Variants in WASF3 observed in about 807,000 individuals in gnomAD.
The protein encoded by WASF3 is WASP family member 3.
A neutral mutation model predicts 46.6 loss-of-function variants in WASF3; 11 were observed. The ratio of observed to expected loss-of-function variants is 0.24; its 90% CI spans 0.15 to 0.39. The LOEUF is 0.39. WASF3 is among the 10% of genes least tolerant of loss of function. The pLI, the probability that WASF3 is intolerant of heterozygous loss-of-function variation, is 1.00. For synonymous variants in WASF3, 242 were observed against 259.7 expected (o/e 0.93, Z 0.65); for missense variants, 576 against 669.8 (o/e 0.86, Z 1.55).
At chr13:26,565,271 A>G (rs1879429086) in intron 1 of WASF3, among the ~76,000 whole-genome samples, 1 of 152,124 alleles carries the variant, frequency 6.6e-6, no homozygotes, top group African/African-American at 2.4e-5. Flanking sequence ...AAACTCTAGT[A>G]CAAGTTGAGG....
At chr13:26,601,824 T>C (rs1161588040) in intron 1 of WASF3, among the ~76,000 whole-genome samples, 1 of 152,226 alleles carries the variant, frequency 6.6e-6, no homozygotes, top group East Asian at 1.9e-4. Flanking sequence ...TGCTGCCACC[T>C]AACCTCAAAG....
chr13:26,559,473 C>A (rs1879209791), intron 1 of WASF3, among the ~76,000 whole-genome samples: 1 of 152,180 alleles, frequency 6.6e-6, no homozygotes, highest in Non-Finnish European at 1.5e-5. Context: ...ATTACGAAAA[C>A]AAAGGTGGAA....
At position 26,670,675 on chromosome 13, in the gene WASF3, G is replaced by A. The variant is rs138012459; in HGVS notation, c.423-1197G>A. On this transcript the variant is annotated intron_variant, in intron 5 of 9. Coordinates refer to ENST00000335327, the MANE Select transcript of WASF3 (RefSeq NM_006646.6). ...CTATTCAAGGCCTTGGTATCTTAGG[G>A]AAACAAATTATCTTTTTCACAATAA... Among the ~76,000 whole-genome samples, 364 of 152,200 alleles carry A rather than the reference G, an allele frequency of 2.4e-3. 1 individual carries two copies. The highest frequency in any genetic ancestry group is 0.014 in the Middle Eastern group (4 of 294).
chr13:26,597,832 A>G (rs901180112), intron 1 of WASF3, among the ~76,000 whole-genome samples: 1 of 152,168 alleles, frequency 6.6e-6, no homozygotes, highest in East Asian at 1.9e-4. Flanking sequence ...TCCATGGTGT[A>G]TATGTGCCAC....
At chr13:26,551,586 A>C in the WASF3 span, among the ~76,000 whole-genome samples, 11 of 152,302 alleles carry the variant, frequency 7.2e-5, no homozygotes, top group South Asian at 2.3e-3. Flanking sequence ...CGTGGCAATA[A>C]AGCCATGTGA....
At chr13:26,627,916 A>G (rs1184327820) in intron 2 of WASF3, among the ~76,000 whole-genome samples, 3 of 151,518 alleles carry the variant, frequency 2.0e-5, no homozygotes, top group Non-Finnish European at 2.9e-5. Flanking sequence ...TAAAAATAAA[A>G]TAAAATAAAA....
At chr13:26,656,102 C>CA (rs1289282529) in intron 3 of WASF3, among the ~76,000 whole-genome samples, 15 of 151,962 alleles carry the variant, frequency 9.9e-5, no homozygotes, top group African/African-American at 3.6e-4. Flanking sequence ...AGAAAGGACT[C>CA]ATACAAGATA....
chr13:26,609,093 A>C (rs1217039485), intron 1 of WASF3, among the ~76,000 whole-genome samples: 1 of 152,206 alleles, frequency 6.6e-6, no homozygotes, highest in Non-Finnish European at 1.5e-5. Context: ...ATCCAAATAC[A>C]ATCAGATTAG....
At chr13:26,665,233 A>G (rs914519534) in intron 4 of WASF3, 71 bp downstream of exon 4, 2 of 1,547,708 alleles carry the variant, frequency 1.3e-6, no homozygotes, top group South Asian at 2.3e-5. Context: ...TTGCAGTGTA[A>G]TTACTGCTTT....
At chr13:26,542,336 C>T in the WASF3 span, among the ~76,000 whole-genome samples, 4 of 152,280 alleles carry the variant, frequency 2.6e-5, no homozygotes, top group East Asian at 3.9e-4. Flanking sequence ...ATGTCTGTTA[C>T]AGCATCTAAA....
Position 26,557,722 on chromosome 13 carries a change from G to A in WASF3, c.-206G>A, listed in dbSNP as rs1407907781. 1.0e-5 allele frequency: 2 copies of A among 190,856 alleles called. No homozygotes were observed. The highest frequency in any genetic ancestry group is 4.8e-5 in the African/African-American group (2 of 41,858). The allele number at this position is 190,856 out of a possible 1,614,324, so 11.8% of individuals were successfully genotyped here. On this transcript the variant is annotated 5_prime_UTR_variant, in exon 1 of 10. Coordinates refer to ENST00000335327, the MANE Select transcript of WASF3 (RefSeq NM_006646.6). ...GGCGGCGTCGCTCGCGCCGCTGCGT[G>A]CGGTGTGGTGCGAGGCGGGTGCGCC...
rs375158703 is a variant in WASF3 at position 26,671,901 on chromosome 13, A to G, written c.452A>G (p.Tyr151Cys). Residue 151 changes from tyrosine (Y) to cysteine (C), a missense_variant, in exon 6 of 10, where the codon TAT (tyrosine) becomes TGT (cysteine). Around this residue, in one of 3 missense-constraint regions of WASF3, gnomAD observed 213 missense variants for 278.0 expected, o/e 0.77. Transcript: ENST00000335327. Reference sequence around the variant, plus strand: ...GACAAGAAGGATGGGCTGAAGTTCTATACTGATCCTTCCTATTTCTTTGAC... The same window carrying G: ...GACAAGAAGGATGGGCTGAAGTTCTGTACTGATCCTTCCTATTTCTTTGAC... ...RDDKKDGLKF[Y>C]TDPSYFFDLW... 1 of 1,610,184 alleles carries G rather than the reference A, an allele frequency of 6.2e-7. No individual in the cohort carries two copies. Among genetic ancestry groups the G allele is most frequent in the African/African-American group, 1.3e-5 (1 of 74,686 alleles).
intron 1 of WASF3, among the ~76,000 whole-genome samples, chr13:26,579,505 G>T (rs1339755919): frequency 6.6e-6 from 1 of 152,122 alleles, no homozygotes; most frequent in Admixed American, 6.5e-5. Flanking sequence ...GAAAGTAGTG[G>T]CATTCTTTTA....
chr13:26,565,407 C>T (rs997374529), intron 1 of WASF3, among the ~76,000 whole-genome samples: 4 of 152,022 alleles, frequency 2.6e-5, no homozygotes, highest in African/African-American at 7.3e-5. Flanking sequence ...ACTTTACATG[C>T]CTTCAAAAGT....
At chr13:26,564,743 A>T in intron 1 of WASF3, among the ~76,000 whole-genome samples, 1 of 152,206 alleles carries the variant, frequency 6.6e-6, no homozygotes, top group African/African-American at 2.4e-5. Flanking sequence ...AAGTATTTTT[A>T]CATTGACTGA....
At chr13:26,598,370 T>C (rs556452258) in intron 1 of WASF3, among the ~76,000 whole-genome samples, 2 of 152,344 alleles carry the variant, frequency 1.3e-5, no homozygotes, top group South Asian at 4.1e-4. Flanking sequence ...TAGCCCTTTG[T>C]CAGATGAGTA....
At position 26,682,682 on chromosome 13, in the gene WASF3, C is replaced by G; in HGVS notation, c.1059C>G (p.Pro353=). 6.2e-7 allele frequency: 1 copy of G among 1,614,172 alleles called. No individual in the cohort carries two copies. The highest frequency in any genetic ancestry group is 1.1e-5 in the South Asian group (1 of 91,082). ...PPPPPPPPVI[P]SAQTAFVSPL... ...CTCCGCCACCTCCTCCTGTGATTCC[C>G]TCAGCACAAACTGCCTTCGTCAGCC... The change falls in exon 9 of 10, where the codon CCC becomes CCG. Residue 353 remains proline (P), a synonymous_variant. Transcript: ENST00000335327. This position sits in a 1 kb window ranked among gnomAD's most constrained non-coding sequence, Gnocchi z 4.4.
At chr13:26,566,946 G>A (rs1185821156) in intron 1 of WASF3, among the ~76,000 whole-genome samples, 1 of 152,204 alleles carries the variant, frequency 6.6e-6, no homozygotes, top group African/African-American at 2.4e-5. Context: ...CATGCATAAA[G>A]AAGATACCAG....
At chr13:26,579,404 C>G (rs990062831) in intron 1 of WASF3, among the ~76,000 whole-genome samples, 1 of 152,078 alleles carries the variant, frequency 6.6e-6, no homozygotes, top group Non-Finnish European at 1.5e-5. Context: ...CACATACATT[C>G]AAATATTTTA....
Sources: gnomAD v4.1 joint callset for allele counts (sites outside exome capture counted in the v4.1 genomes callset) on GRCh38, gnomAD v4.1.1 for gene constraint, gnomAD v4.1.1 regional missense constraint, Gnocchi (gnomAD v3.1) non-coding constraint, MANE v1.5 for transcripts, NCBI Gene and HGNC (gene_info 2026-07-23, HGNC 2026-07-21) for gene names.